SHOC1: variants seen among roughly 807,000 people sequenced by gnomAD.
SHOC1 encodes the protein shortage in chiasmata 1, also known as protein shortage in chiasmata 1 ortholog.
SHOC1 carries 136 observed loss-of-function variants against 179.2 expected under a neutral mutation model. That is an observed-to-expected ratio of 0.76 (90% CI 0.66 to 0.87). SHOC1 has a LOEUF of 0.87. Among genes scored for constraint, SHOC1 ranks in the 40% least tolerant of loss-of-function variants. The pLI, the probability that SHOC1 is intolerant of heterozygous loss-of-function variation, is 0.00. For synonymous variants in SHOC1, 489 were observed against 586.6 expected (o/e 0.83, Z 2.41); for missense variants, 1,538 against 1,700.8 (o/e 0.90, Z 1.68).
Position 111,727,555 on chromosome 9 carries a change from C to A in SHOC1, c.1834+78G>T, listed in dbSNP as rs183519945. 9.2e-4 allele frequency: 1,145 copies of A among 1,246,628 alleles called. 1 individual carries two copies. The highest frequency in any genetic ancestry group is 1.1e-3 in the Non-Finnish European group (1,033 of 922,158). 77.2% of individuals were successfully genotyped at this position (1,246,628 alleles called of 1,614,324 possible). Reference sequence around the variant, plus strand: ...AATTTTATCTAGAAGAACTTTATCTCCTTGCCTTCTATAATAAATTATGTA... The same window carrying A: ...AATTTTATCTAGAAGAACTTTATCTACTTGCCTTCTATAATAAATTATGTA... On this transcript the variant is annotated intron_variant, in intron 13 of 27. Transcript: ENST00000682961.
chr9:111,763,407 T>C (rs1331575927), intron 5 of SHOC1, among the ~76,000 whole-genome samples: 1 of 151,690 alleles, frequency 6.6e-6, no homozygotes, highest in Non-Finnish European at 1.5e-5. Flanking sequence ...GGAAGAAAAA[T>C]ATCATTAAAA....
intron 13 of SHOC1, among the ~76,000 whole-genome samples, chr9:111,727,080 C>T (rs556909292): frequency 6.6e-6 from 1 of 152,170 alleles, no homozygotes; most frequent in African/African-American, 2.4e-5. Flanking sequence ...CAAACTTATT[C>T]TGGAATGCCT....
chr9:111,786,062 T>C, intron 2 of SHOC1, 27 bp from the exon 3 acceptor site: 1 of 1,411,496 alleles, frequency 7.1e-7, no homozygotes, highest in South Asian at 1.5e-5. Flanking sequence ...GATTAGAAAA[T>C]CTTTTAACAT....
intron 18 of SHOC1, among the ~76,000 whole-genome samples, chr9:111,710,746 A>G (rs1047186410): frequency 6.6e-6 from 1 of 152,186 alleles, no homozygotes; most frequent in Non-Finnish European, 1.5e-5. Context: ...CTTCCTCAAC[A>G]AATGTTTTAA....
chr9:111,778,965 A>T (rs1336285784), intron 4 of SHOC1, among the ~76,000 whole-genome samples: 1 of 151,778 alleles, frequency 6.6e-6, no homozygotes, highest in East Asian at 1.9e-4. Flanking sequence ...TAGATGTGGT[A>T]GTGCATGCCT....
intron 3 of SHOC1, among the ~76,000 whole-genome samples, chr9:111,785,419 T>A (rs1332015173): frequency 2.6e-5 from 4 of 152,016 alleles, no homozygotes; most frequent in African/African-American, 7.3e-5. Flanking sequence ...TTAAGTACTG[T>A]GTCCTTAGTA....
At chr9:111,741,172 A>G (rs745436266) in intron 11 of SHOC1, among the ~76,000 whole-genome samples, 2 of 152,106 alleles carry the variant, frequency 1.3e-5, no homozygotes, top group Non-Finnish European at 2.9e-5. Flanking sequence ...CAAACAACTC[A>G]CAACTTTGGA....
intron 3 of SHOC1, among the ~76,000 whole-genome samples, chr9:111,785,189 AG>A (rs1394176749): frequency 1.3e-5 from 2 of 152,156 alleles, no homozygotes; most frequent in Non-Finnish European, 2.9e-5. Flanking sequence ...CCCATGATTC[AG>A]GTCTCAACTC....
chr9:111,702,722 G>A (rs16916310), intron 22 of SHOC1, among the ~76,000 whole-genome samples: 2,131 of 152,316 alleles, frequency 0.014, 51 homozygotes, highest in African/African-American at 0.048. Flanking sequence ...TAATGGTATG[G>A]AATCTCCTTT....
chr9:111,748,152 T>G lies in SHOC1; in HGVS notation c.910A>C (p.Ser304Arg), dbSNP rs1349930827. The part of the protein sequence containing the change: ...GIEDIGDIKF[S>R]STEILTIQSQ... ...TGAATGGTCAAAATCTCTGTGGAGC[T>G]GAATTTTATATCCCCGATATCCTCA... Residue 304 changes from serine to arginine, a missense_variant, in exon 9 of 28, where the codon AGC becomes CGC. Physicochemically the swap from Ser to Arg is moderately radical, Grantham distance 110. Coordinates refer to ENST00000682961, the MANE Select transcript of SHOC1 (RefSeq NM_001378211.1). The G allele has an allele frequency of 6.2e-7, 1 of 1,613,906 alleles. No homozygotes were observed. The highest frequency in any genetic ancestry group is 1.7e-5 in the Admixed American group (1 of 60,014).
At chr9:111,727,019 A>T (rs10981036) in intron 13 of SHOC1, among the ~76,000 whole-genome samples, 1 of 152,074 alleles carries the variant, frequency 6.6e-6, no homozygotes. Flanking sequence ...AAACAATAGC[A>T]GCCAATAAAA....
At chr9:111,701,629 T>C (rs1258819644) in intron 23 of SHOC1, among the ~76,000 whole-genome samples, 1 of 152,164 alleles carries the variant, frequency 6.6e-6, no homozygotes. Flanking sequence ...TTTATTATTC[T>C]TCAAAATGAA....
chr9:111,710,119 T>C (rs1210060552), intron 18 of SHOC1, among the ~76,000 whole-genome samples: 2 of 152,190 alleles, frequency 1.3e-5, no homozygotes, highest in African/African-American at 4.8e-5. Flanking sequence ...ATGTTTCCAA[T>C]TACCCTGATT....
intron 7 of SHOC1, among the ~76,000 whole-genome samples, chr9:111,757,622 A>G (rs527576849): frequency 1.3e-5 from 2 of 152,356 alleles, no homozygotes; most frequent in East Asian, 3.9e-4. Flanking sequence ...AAACACTGGC[A>G]GAAAACTAAA....
At chr9:111,713,394 C>G (rs924187239) in intron 17 of SHOC1, among the ~76,000 whole-genome samples, 1 of 152,162 alleles carries the variant, frequency 6.6e-6, no homozygotes, top group Non-Finnish European at 1.5e-5. Context: ...ATAGGGCATT[C>G]TTAGCATTCT....
intron 19 of SHOC1, 86 bp from the exon 20 acceptor site, chr9:111,706,832 G>A (rs1832299938): frequency 4.3e-6 from 4 of 922,942 alleles, no homozygotes; most frequent in South Asian, 2.5e-5. Flanking sequence ...TTTTCTGGCT[G>A]TTCCATCCTT....
chr9:111,714,400 C>G, intron 17 of SHOC1, 45 bp downstream of exon 17: 1 of 1,590,466 alleles, frequency 6.3e-7, no homozygotes, highest in South Asian at 1.1e-5. Context: ...ACATCCAATT[C>G]TTACTTAAAC....
intron 9 of SHOC1, among the ~76,000 whole-genome samples, chr9:111,747,659 C>T (rs10114836): frequency 0.054 from 8,266 of 152,124 alleles, 550 homozygotes; most frequent in African/African-American, 0.16. Flanking sequence ...CGGCTCACTA[C>T]AACCTCCACC....
At chr9:111,686,952 T>TTC in intron 27 of SHOC1, 82 bp from the exon 28 acceptor site, 2 of 947,376 alleles carry the variant, frequency 2.1e-6, no homozygotes, top group Non-Finnish European at 3.1e-6. Context: ...TTTTTTTTTT[T>TTC]TTTCTTTTTT....
Sources: allele counts gnomAD v4.1 joint callset (sites outside exome capture counted in the v4.1 genomes callset), GRCh38; gene constraint gnomAD v4.1.1; transcripts MANE v1.5; gene names NCBI Gene and HGNC (gene_info 2026-07-23, HGNC 2026-07-21).